NKAIN3: variants seen among roughly 807,000 people sequenced by gnomAD.
NKAIN3 encodes sodium/potassium-transporting ATPase subunit beta-1-interacting protein 3.
A neutral mutation model predicts 30.2 loss-of-function variants in NKAIN3; 25 were observed. That is an observed-to-expected ratio of 0.83 (90% CI 0.60 to 1.16). The LOEUF is 1.16. NKAIN3 is among the 50% of genes most tolerant of loss of function. The pLI is 0.00. For synonymous variants in NKAIN3, 91 were observed against 89.6 expected (o/e 1.02, Z -0.09); for missense variants, 225 against 254.1 (o/e 0.89, Z 0.78).
intron 3 of NKAIN3, among the ~76,000 whole-genome samples, chr8:62,673,825 T>C (rs180782317): frequency 1.3e-5 from 2 of 152,288 alleles, no homozygotes; most frequent in East Asian, 3.9e-4. Flanking sequence ...AAATTTGGTT[T>C]TATAATTTTA....
At chr8:62,503,612 G>T (rs559082651) in intron 1 of NKAIN3, among the ~76,000 whole-genome samples, 10 of 152,062 alleles carry the variant, frequency 6.6e-5, no homozygotes, top group African/African-American at 1.2e-4. Context: ...CACTCCCAGA[G>T]CAGCCGTCTA....
chr8:62,950,536 A>G (rs1238867979), intron 5 of NKAIN3, among the ~76,000 whole-genome samples: 1 of 152,148 alleles, frequency 6.6e-6, no homozygotes, highest in African/African-American at 2.4e-5. Context: ...AGTTTTACCT[A>G]TATGTGATAT....
At chr8:62,878,886 T>C (rs1000423601) in intron 4 of NKAIN3, among the ~76,000 whole-genome samples, 3 of 152,102 alleles carry the variant, frequency 2.0e-5, no homozygotes, top group Non-Finnish European at 2.9e-5. Context: ...GTATATGTGC[T>C]ACATTTTCTT....
chr8:62,474,317 C>T (rs1806445301), intron 1 of NKAIN3: 1 of 152,182 alleles, frequency 6.6e-6, no homozygotes, highest in African/African-American at 2.4e-5. Context: ...AGACCAGTTC[C>T]TAAGACAGGG....
intron 4 of NKAIN3, among the ~76,000 whole-genome samples, chr8:62,830,564 C>T (rs548616318): frequency 1.7e-4 from 26 of 152,266 alleles, no homozygotes; most frequent in African/African-American, 5.8e-4. Flanking sequence ...TTTATGTTAT[C>T]TCTATAAAAG....
chr8:62,345,134 A>G (rs906707688), intron 1 of NKAIN3, among the ~76,000 whole-genome samples: 1 of 151,572 alleles, frequency 6.6e-6, no homozygotes, highest in Non-Finnish European at 1.5e-5. Context: ...TAGAAACTCT[A>G]CTGGTTATTG....
chr8:62,532,951 CTTTA>C (rs1046635601), intron 1 of NKAIN3, among the ~76,000 whole-genome samples: 53 of 152,280 alleles, frequency 3.5e-4, no homozygotes, highest in Admixed American at 1.8e-3. Flanking sequence ...CTAGAATATT[CTTTA>C]TTCATTCATT....
intron 4 of NKAIN3, among the ~76,000 whole-genome samples, chr8:62,810,609 A>T (rs1325061559): frequency 1.4e-5 from 2 of 144,800 alleles, no homozygotes; most frequent in Non-Finnish European, 3.0e-5. Flanking sequence ...CATATTATGT[A>T]TGCATGATTG....
At chr8:62,665,504 C>T (rs576819324) in intron 3 of NKAIN3, among the ~76,000 whole-genome samples, 1 of 152,324 alleles carries the variant, frequency 6.6e-6, no homozygotes, top group African/African-American at 2.4e-5. Context: ...CAAATTAAGA[C>T]CACTTTCTCT....
At chr8:62,800,385 G>T (rs1419419010) in intron 4 of NKAIN3, among the ~76,000 whole-genome samples, 4 of 152,142 alleles carry the variant, frequency 2.6e-5, no homozygotes, top group Non-Finnish European at 4.4e-5. Flanking sequence ...GGACTCTGGA[G>T]TAAGACCAAA....
At chr8:62,994,686 G>T (rs955882257) in intron 5 of NKAIN3, among the ~76,000 whole-genome samples, 1 of 152,120 alleles carries the variant, frequency 6.6e-6, no homozygotes, top group Non-Finnish European at 1.5e-5. Flanking sequence ...CTCCTTGAAG[G>T]GAATTTGACT....
At chr8:62,340,686 T>C (rs138180490) in intron 1 of NKAIN3, among the ~76,000 whole-genome samples, 192 of 152,068 alleles carry the variant, frequency 1.3e-3, no homozygotes, top group African/African-American at 4.5e-3. Context: ...AGGGGGAATC[T>C]TGCTAAACTG....
At chr8:62,844,402 T>C (rs17273052) in intron 4 of NKAIN3, among the ~76,000 whole-genome samples, 12,480 of 152,198 alleles carry the variant, frequency 0.082, 566 homozygotes, top group South Asian at 0.14. Flanking sequence ...TATTTCCACA[T>C]ATGGTAGGGA....
chr8:62,934,452 A>G (rs1822722071), intron 5 of NKAIN3, among the ~76,000 whole-genome samples: 1 of 152,026 alleles, frequency 6.6e-6, no homozygotes, highest in Admixed American at 6.5e-5. Flanking sequence ...CAACACAAAA[A>G]AGTTTTTATC....
chr8:62,774,712 G>T (rs1817133229), intron 4 of NKAIN3, among the ~76,000 whole-genome samples: 1 of 152,108 alleles, frequency 6.6e-6, no homozygotes, highest in Non-Finnish European at 1.5e-5. Context: ...TACATTGTTT[G>T]ATTTGCATAT....
In NKAIN3 at chr8:62,944,380, C is replaced by A. The variant is rs548433008; in HGVS notation, c.533-9522C>A. The stretch of plus-strand genomic sequence containing the variant: ...CTTCTTCAAGATTGTCTTAACTAAT[C>A]TTGAGTCTTTGCCTTTTCACATACA... On this transcript the variant is annotated intron_variant, in intron 5 of 6. Coordinates refer to ENST00000623646, the MANE Select transcript of NKAIN3 (RefSeq NM_001304533.3). Among the ~76,000 whole-genome samples, 6 of 152,126 alleles carry A rather than the reference C, an allele frequency of 3.9e-5. No homozygotes were observed. In the East Asian group the frequency reaches 1.2e-3, roughly 29 times the overall value.
intron 1 of NKAIN3, among the ~76,000 whole-genome samples, chr8:62,411,975 T>C (rs1804252183): frequency 6.6e-6 from 1 of 152,096 alleles, no homozygotes; most frequent in Non-Finnish European, 1.5e-5. Context: ...AAAATGGCCA[T>C]ATTGCCCAAA....
chr8:62,995,950 A>T (rs1381146805), intron 5 of NKAIN3, among the ~76,000 whole-genome samples: 1 of 152,222 alleles, frequency 6.6e-6, no homozygotes, highest in Non-Finnish European at 1.5e-5. Flanking sequence ...TGGGCCCAAA[A>T]GTCTGTGAAC....
At chr8:62,594,394 ATTGT>A (rs1318116116) in intron 3 of NKAIN3, among the ~76,000 whole-genome samples, 8 of 152,012 alleles carry the variant, frequency 5.3e-5, no homozygotes, top group Non-Finnish European at 8.8e-5. Context: ...CACACGGTGA[ATTGT>A]TTGTCACCAC....
Sources: allele counts gnomAD v4.1 joint callset (sites outside exome capture counted in the v4.1 genomes callset), GRCh38; gene constraint gnomAD v4.1.1; transcripts MANE v1.5; gene names NCBI Gene and HGNC (gene_info 2026-07-23, HGNC 2026-07-21).